Variants in HIBADH observed in about 807,000 individuals in gnomAD.
HIBADH encodes the protein 3-hydroxyisobutyrate dehydrogenase, mitochondrial.
In HIBADH, 25 loss-of-function variants were observed where a neutral mutation model predicts 36.1. The ratio of observed to expected loss-of-function variants is 0.69; its 90% confidence interval spans 0.50 to 0.97. The LOEUF is 0.97. Ranked by LOEUF, HIBADH falls within the 50% of genes least tolerant of loss-of-function variation. The pLI, the probability that HIBADH is intolerant of heterozygous loss-of-function variation, is 0.00. For missense variants in HIBADH, 421 were observed against 418.0 expected, an observed-to-expected ratio of 1.01 and a Z score of -0.06; for synonymous variants, 160 against 149.5, an observed-to-expected ratio of 1.07 and a Z score of -0.51.
chr7:27,561,806 T>C (rs926348192), intron 4 of HIBADH, among the ~76,000 whole-genome samples: 8 of 152,186 alleles, frequency 5.3e-5, no homozygotes, highest in Admixed American at 4.6e-4. Context: ...CATACACGTT[T>C]ACATTGTCAT....
intron 4 of HIBADH, among the ~76,000 whole-genome samples, chr7:27,600,866 A>C (rs780907420): frequency 6.6e-6 from 1 of 152,130 alleles, no homozygotes; most frequent in South Asian, 2.1e-4. Flanking sequence ...AACTGCTGAC[A>C]ATCTTATTTG....
chr7:27,562,764 ATTTC>A (rs2128186996), intron 4 of HIBADH, among the ~76,000 whole-genome samples: 1 of 152,234 alleles, frequency 6.6e-6, no homozygotes, highest in African/African-American at 2.4e-5. Context: ...AGCCTTTGCC[ATTTC>A]TTTTCATATC....
At chr7:27,619,543 C>T (rs1224246743) in intron 4 of HIBADH, among the ~76,000 whole-genome samples, 1 of 151,914 alleles carries the variant, frequency 6.6e-6, no homozygotes, top group Admixed American at 6.6e-5. Flanking sequence ...CAGATTAATT[C>T]CAAAACACAA....
intron 4 of HIBADH, among the ~76,000 whole-genome samples, chr7:27,590,736 C>T (rs183073300): frequency 3.2e-3 from 490 of 152,274 alleles, no homozygotes; most frequent in Non-Finnish European, 5.6e-3. Flanking sequence ...TCACTTAATC[C>T]TATAAAATAC....
intron 4 of HIBADH, among the ~76,000 whole-genome samples, chr7:27,615,260 G>T (rs996491659): frequency 6.6e-6 from 1 of 152,162 alleles, no homozygotes; most frequent in South Asian, 2.1e-4. Flanking sequence ...AGGGAGGAAG[G>T]TGTGACATAG....
intron 4 of HIBADH, among the ~76,000 whole-genome samples, chr7:27,553,917 T>C (rs1478980560): frequency 2.0e-5 from 3 of 152,184 alleles, no homozygotes; most frequent in Non-Finnish European, 4.4e-5. Flanking sequence ...GGTGTGATCT[T>C]GGCTCACTAC....
intron 4 of HIBADH, among the ~76,000 whole-genome samples, chr7:27,547,783 A>G (rs1445562825): frequency 1.3e-5 from 2 of 152,148 alleles, no homozygotes; most frequent in Non-Finnish European, 2.9e-5. Flanking sequence ...GTTCATAATC[A>G]TCCACTTTCC....
At chr7:27,577,662 T>G (rs547307616) in intron 4 of HIBADH, among the ~76,000 whole-genome samples, 2 of 152,304 alleles carry the variant, frequency 1.3e-5, no homozygotes, top group East Asian at 3.9e-4. Context: ...TTGGGTGTGT[T>G]ATTAAAAGGA....
intron 4 of HIBADH, among the ~76,000 whole-genome samples, chr7:27,602,328 G>A (rs1261448469): frequency 2.0e-5 from 3 of 152,018 alleles, no homozygotes; most frequent in Non-Finnish European, 4.4e-5. Context: ...AAACTTTAAG[G>A]TGATTAGAGA....
chr7:27,625,596 T>C (rs1785625791), intron 4 of HIBADH, among the ~76,000 whole-genome samples: 2 of 152,190 alleles, frequency 1.3e-5, no homozygotes, highest in Admixed American at 1.3e-4. Flanking sequence ...AGCAAGGCTC[T>C]AGTTCTTAAA....
In HIBADH at chr7:27,632,426, T is replaced by C; in HGVS notation, c.272A>G (p.Asp91Gly). ...AATTCTGTCAGCTTTTTCAGCAACA[T>C]CTGCTGGGGAAGATACTACCTTTAA... ...AGEQVVSSPA[D>G]VAEKADRIIT... The change falls in exon 3 of 8, where the codon GAT becomes GGT. Residue 91 changes from aspartate (D) to glycine (G), a missense_variant. Transcript: ENST00000265395. 1.2e-6 allele frequency: 2 copies of C among 1,612,908 alleles called. No homozygotes were observed. Among genetic ancestry groups the C allele is most frequent in the Non-Finnish European group, 1.7e-6 (2 of 1,179,094 alleles).
intron 7 of HIBADH, among the ~76,000 whole-genome samples, chr7:27,526,588 A>G (rs1458702764): frequency 6.6e-6 from 1 of 152,110 alleles, no homozygotes; most frequent in African/African-American, 2.4e-5. Context: ...TGTCTCTTCG[A>G]TTTTTCCACC....
intron 4 of HIBADH, among the ~76,000 whole-genome samples, chr7:27,572,427 G>A (rs1038111015): frequency 6.6e-5 from 10 of 152,152 alleles, no homozygotes; most frequent in Non-Finnish European, 1.5e-4. Context: ...AAAGTAAAGA[G>A]TGATTTCCAT....
intron 4 of HIBADH, among the ~76,000 whole-genome samples, chr7:27,612,415 TC>T (rs953452555): frequency 6.6e-6 from 1 of 151,286 alleles, no homozygotes; most frequent in Non-Finnish European, 1.5e-5. Flanking sequence ...AGCCTCTGCC[TC>T]CCGGGTTCAA....
At position 27,648,147 on chromosome 7, in the gene HIBADH, T is replaced by C. The variant is rs1377797053; in HGVS notation, c.252+1326A>G. On this transcript the variant is annotated intron_variant, in intron 2 of 7. Transcript: ENST00000265395. ...GGTTCATCTCAGACTGAATATCAAC[T>C]TGAAATGCTCACCATCTCTGAAGAT... Among the ~76,000 whole-genome samples, 8 of 152,226 alleles carry C rather than the reference T, an allele frequency of 5.3e-5. No homozygotes were observed. In the East Asian group the frequency reaches 1.5e-3, roughly 29 times the overall value.
At chr7:27,565,639 T>C (rs1450600392) in intron 4 of HIBADH, among the ~76,000 whole-genome samples, 4 of 152,238 alleles carry the variant, frequency 2.6e-5, no homozygotes, top group African/African-American at 9.6e-5. Flanking sequence ...TATTTCTTTT[T>C]ATTTTTCTTA....
At chr7:27,578,234 A>G (rs761775328) in intron 4 of HIBADH, among the ~76,000 whole-genome samples, 1 of 152,222 alleles carries the variant, frequency 6.6e-6, no homozygotes, top group Non-Finnish European at 1.5e-5. Context: ...TATAAGTTCA[A>G]TATGTCAATG....
At chr7:27,639,048 C>T (rs7805086) in intron 2 of HIBADH, among the ~76,000 whole-genome samples, 66,293 of 151,920 alleles carry the variant, frequency 0.44, 15,352 homozygotes, top group East Asian at 0.94. Context: ...TCAAAGAACT[C>T]AAAGCAGAAT....
rs574713143 is a variant in HIBADH, at chr7:27,660,336, A to G, written c.91+2362T>C. Among the ~76,000 whole-genome samples, 15 of 152,326 alleles carry G rather than the reference A, an allele frequency of 9.8e-5. No individual in the cohort carries two copies. The South Asian group carries it at 2.9e-3, about 29-fold the overall frequency. On this transcript the variant is annotated intron_variant, in intron 1 of 7. Transcript: ENST00000265395. ...AGAAAAGTTAACACTTTTGCAGTAA[A>G]CTAAAATTAACAGAAATTTAAATGT... is the stretch of plus-strand genomic sequence containing the variant.
Sources: gnomAD v4.1 joint callset for allele counts (sites outside exome capture counted in the v4.1 genomes callset) on GRCh38, gnomAD v4.1.1 for gene constraint, MANE v1.5 for transcripts, NCBI Gene and HGNC (gene_info 2026-07-23, HGNC 2026-07-21) for gene names.